Variants in KIF26B observed in about 807,000 individuals in gnomAD.
The protein encoded by KIF26B is kinesin family member 26B.
Under a neutral mutation model 151.2 loss-of-function variants are expected in KIF26B, and 63 were observed. The observed-to-expected ratio is 0.42, with a 90% CI of 0.34 to 0.51. KIF26B has a LOEUF of 0.51. Ranked by LOEUF, KIF26B falls within the 20% of genes least tolerant of loss-of-function variation. The pLI is 0.07. For missense variants in KIF26B, 2,813 were observed against 2,913.6 expected, an observed-to-expected ratio of 0.97 and a Z score of 0.79; for synonymous variants, 1,357 against 1,262.1, an observed-to-expected ratio of 1.08 and a Z score of -1.59.
rs924281625 is a variant in KIF26B, at chr1:245,401,666, C to T, written c.1000-17913C>T. On this transcript the variant is annotated intron_variant, in intron 3 of 14. Transcript: ENST00000407071. ...GGCGGATTGCTTGAGGTCAGGAGTT[C>T]GAGACCAGCCTGGCCAACATGGTGA... 1.2e-4 allele frequency among the ~76,000 whole-genome samples: 18 copies of T among 152,166 alleles called. No homozygotes were observed. The East Asian group carries it at 2.1e-3, about 18-fold the overall frequency.
chr1:245,653,532 C>T (rs1307581442), intron 10 of KIF26B, among the ~76,000 whole-genome samples: 1 of 152,104 alleles, frequency 6.6e-6, no homozygotes, highest in Non-Finnish European at 1.5e-5. Flanking sequence ...GACATAGGTA[C>T]TGTAATCATA....
Position 245,667,507 on chromosome 1 carries a change from C to T in KIF26B, c.2259-16726C>T, listed in dbSNP as rs777236579. Among the ~76,000 whole-genome samples, 1 of 151,992 alleles carries T rather than the reference C, an allele frequency of 6.6e-6. No homozygotes were observed. The highest frequency in any genetic ancestry group is 1.5e-5 in the Non-Finnish European group (1 of 67,970). On this transcript the variant is annotated intron_variant, in intron 10 of 14. Transcript: ENST00000407071. The surrounding 1 kb of genome is among the most constrained non-coding windows in gnomAD (Gnocchi z 4.3). ...TTTGGTTTTATTCTGACTGTGGCTC[C>T]TAGGAAGAAAAAGAAAAGATGATGC...
At chr1:245,270,200 CCT>C (rs746419167) in intron 2 of KIF26B, among the ~76,000 whole-genome samples, 3,783 of 116,002 alleles carry the variant, frequency 0.033, 98 homozygotes, top group Middle Eastern at 0.061. Flanking sequence ...TCTTCTTTTC[CCT>C]TCCCTTTCTT....
Position 245,377,885 on chromosome 1 carries a change from A to G in KIF26B, c.999+10518A>G, listed in dbSNP as rs536258609. Among the ~76,000 whole-genome samples the G allele has an allele frequency of 1.1e-4, 16 of 152,298 alleles. No individual in the cohort carries two copies. In the South Asian group the frequency reaches 3.3e-3, roughly 32 times the overall value. ...GGAGGGACGTGTCATACCTGCATGC[A>G]TCCTTATACTGGAGGGGAGCCTCTC... On this transcript the variant is annotated intron_variant, in intron 3 of 14. Coordinates refer to ENST00000407071, the MANE Select transcript of KIF26B (RefSeq NM_018012.4).
At chr1:245,347,933 G>A (rs756643746) in intron 2 of KIF26B, among the ~76,000 whole-genome samples, 1 of 152,222 alleles carries the variant, frequency 6.6e-6, no homozygotes, top group Non-Finnish European at 1.5e-5. Flanking sequence ...CCTAAGGCGG[G>A]TACCGTTATT....
At chr1:245,415,098 G>A (rs945637636) in intron 3 of KIF26B, among the ~76,000 whole-genome samples, 1 of 152,176 alleles carries the variant, frequency 6.6e-6, no homozygotes, top group Non-Finnish European at 1.5e-5. Context: ...TGTTTCCAAT[G>A]TGCCTTCTAT....
At chr1:245,421,310 G>C (rs1041129843) in intron 4 of KIF26B, among the ~76,000 whole-genome samples, 1 of 152,148 alleles carries the variant, frequency 6.6e-6, no homozygotes, top group Admixed American at 6.5e-5. Context: ...AGAAGAGAAG[G>C]ACTCTGGGGT....
intron 2 of KIF26B, among the ~76,000 whole-genome samples, chr1:245,258,556 A>G (rs1558364865): frequency 6.6e-6 from 1 of 152,188 alleles, no homozygotes; most frequent in South Asian, 2.1e-4. Flanking sequence ...TCCATAAAAT[A>G]GAGACTAAAA....
intron 2 of KIF26B, among the ~76,000 whole-genome samples, chr1:245,174,479 A>G (rs1402464609): frequency 8.7e-6 from 1 of 114,992 alleles, no homozygotes; most frequent in Admixed American, 1.0e-4. Flanking sequence ...TTTTACTCCT[A>G]TTCAGCAACT....
chr1:245,542,700 G>T (rs922619724), intron 5 of KIF26B, among the ~76,000 whole-genome samples: 15 of 152,250 alleles, frequency 9.9e-5, no homozygotes, highest in African/African-American at 3.6e-4. Context: ...GTGGGTCCAA[G>T]TAACTGCTGG....
intron 5 of KIF26B, among the ~76,000 whole-genome samples, chr1:245,600,668 A>G (rs911575006): frequency 4.0e-5 from 6 of 150,740 alleles, no homozygotes; most frequent in Non-Finnish European, 8.9e-5. Context: ...TTTTCCAATC[A>G]CAGCGTTAAT....
intron 9 of KIF26B, 91 bp from the exon 10 acceptor site, chr1:245,646,027 ATTT>A: frequency 7.3e-7 from 1 of 1,363,762 alleles, no homozygotes; most frequent in Non-Finnish European, 1.0e-6. Flanking sequence ...TCCCCTTCTC[ATTT>A]TGCCTCAGAT....
chr1:245,242,760 T>C (rs1249443833), intron 2 of KIF26B, among the ~76,000 whole-genome samples: 1 of 152,182 alleles, frequency 6.6e-6, no homozygotes, highest in Non-Finnish European at 1.5e-5. Flanking sequence ...CAAGTGATTC[T>C]CCTGCCTCAG....
At chr1:245,162,215 A>G (rs189745785) in intron 2 of KIF26B, among the ~76,000 whole-genome samples, 1 of 152,272 alleles carries the variant, frequency 6.6e-6, no homozygotes, top group East Asian at 1.9e-4. Context: ...CAGGAATACA[A>G]GACAAATTTC....
At chr1:245,262,920 G>A (rs1670674692) in intron 2 of KIF26B, among the ~76,000 whole-genome samples, 1 of 152,224 alleles carries the variant, frequency 6.6e-6, no homozygotes, top group East Asian at 1.9e-4. Context: ...TAGTTAGGGA[G>A]AGAACTTCAT....
At chr1:245,190,634 G>GTTTTTTTT (rs149338802) in intron 2 of KIF26B, among the ~76,000 whole-genome samples, 1 of 106,854 alleles carries the variant, frequency 9.4e-6, no homozygotes, top group African/African-American at 3.0e-5. Flanking sequence ...TGAATGTTTT[G>GTTTTTTTT]TTTTGTTTTT....
At chr1:245,578,186 G>T (rs1443806297) in intron 5 of KIF26B, among the ~76,000 whole-genome samples, 1 of 152,236 alleles carries the variant, frequency 6.6e-6, no homozygotes, top group Non-Finnish European at 1.5e-5. Flanking sequence ...TGTGTGTCAG[G>T]AGTTAACAGG....
chr1:245,373,568 G>A (rs1297561658), intron 3 of KIF26B, among the ~76,000 whole-genome samples: 2 of 152,150 alleles, frequency 1.3e-5, no homozygotes, highest in East Asian at 1.9e-4. Context: ...AATGAAGGTC[G>A]TCCATGTGCA....
At chr1:245,376,501 G>A (rs1673276734) in intron 3 of KIF26B, among the ~76,000 whole-genome samples, 1 of 152,122 alleles carries the variant, frequency 6.6e-6, no homozygotes. Context: ...CCAGGCCTTG[G>A]TTTGAACTTG....
Sources: gnomAD v4.1 joint callset for allele counts (sites outside exome capture counted in the v4.1 genomes callset) on GRCh38, gnomAD v4.1.1 for gene constraint, Gnocchi (gnomAD v3.1) non-coding constraint, MANE v1.5 for transcripts, NCBI Gene and HGNC (gene_info 2026-07-23, HGNC 2026-07-21) for gene names.